Variants in KCNH2 observed in about 807,000 individuals in gnomAD.
KCNH2 encodes voltage-gated inwardly rectifying potassium channel KCNH2.
Under a neutral mutation model 95.9 loss-of-function variants are expected in KCNH2, and 35 were observed. That is an observed-to-expected ratio of 0.37 (90% CI 0.28 to 0.48). The LOEUF (loss-of-function observed/expected upper bound fraction) is 0.48. Among genes scored for constraint, KCNH2 ranks in the 20% least tolerant of loss-of-function variants. The pLI is 0.99. For synonymous variants in KCNH2, 786 were observed against 754.7 expected (o/e 1.04, Z -0.68); for missense variants, 1,274 against 1,702.9 (o/e 0.75, Z 4.43).
At chr7:150,972,422 G>A (rs554158902) in intron 2 of KCNH2, among the ~76,000 whole-genome samples, 1 of 152,344 alleles carries the variant, frequency 6.6e-6, no homozygotes, top group East Asian at 1.9e-4. Flanking sequence ...AGGTCCCGGG[G>A]ATCACAGGAG....
chr7:150,945,043 C>T lies in KCNH2; in HGVS notation c.*322G>A. ...TATGATCCTTAATTATTATCCTTAA[C>T]AATAAGAGCAGTAAATAGCAGAAAA... On this transcript the variant is annotated 3_prime_UTR_variant, in exon 15 of 15. Coordinates refer to ENST00000262186, the MANE Select transcript of KCNH2 (RefSeq NM_000238.4). The surrounding 1 kb of genome is among the most constrained non-coding windows in gnomAD (Gnocchi z 5.6). The T allele has an allele frequency of 2.9e-6, 1 of 342,890 alleles. No homozygotes were observed. The highest frequency in any genetic ancestry group is 7.5e-5 in the South Asian group (1 of 13,260). 21.2% of individuals were successfully genotyped at this position (342,890 alleles called of 1,614,324 possible). A position where few individuals can be genotyped will look rare whatever the true frequency, so the allele number is the denominator to read the frequency against.
rs1269891567 is a variant in KCNH2, at chr7:150,951,325, GGTGGCCCCTGGAGTCTCTAA to G, written c.1945+103_1945+122del. The G allele has an allele frequency of 1.8e-5, 23 of 1,250,010 alleles. 1 individual carries two copies. In the East Asian group the frequency reaches 4.5e-4, roughly 25 times the overall value. 77.4% of individuals were successfully genotyped at this position (1,250,010 alleles called of 1,614,324 possible). Reference sequence around the variant, plus strand: ...CCCAGCCCCCAAACCATGTCACGATGGTGGCCCCTGGAGTCTCTAAGTTCCAGGGCCTCACTCTGGCCCGG... The same window carrying G: ...CCCAGCCCCCAAACCATGTCACGATGGTTCCAGGGCCTCACTCTGGCCCGG... On this transcript the variant is annotated intron_variant, in intron 7 of 14. Coordinates refer to ENST00000262186, the MANE Select transcript of KCNH2 (RefSeq NM_000238.4).
At chr7:150,948,412 G>A (rs778222452) in intron 11 of KCNH2, 32 bp downstream of exon 11, 35 of 401,292 alleles carry the variant, frequency 8.7e-5, no homozygotes, top group East Asian at 6.6e-4. Context: ...CCTTGTCCCC[G>A]CCCTCCCCCT....
intron 4 of KCNH2, among the ~76,000 whole-genome samples, 200 bp from the exon 5 acceptor site, chr7:150,957,702 G>A (rs893988626): frequency 6.6e-6 from 1 of 152,238 alleles, no homozygotes; most frequent in Non-Finnish European, 1.5e-5. Context: ...ACAGCCCTGA[G>A]ACCAGGAAGA....
At position 150,945,645 on chromosome 7, in the gene KCNH2, G is replaced by A; in HGVS notation, c.3331-131C>T. 6.1e-6 allele frequency: 6 copies of A among 982,194 alleles called. No individual in the cohort carries two copies. Among genetic ancestry groups the A allele is most frequent in the Non-Finnish European group, 4.7e-6 (3 of 637,886 alleles). The allele number at this position is 982,194 out of a possible 1,614,324, so 60.8% of individuals were successfully genotyped here. A position where few individuals can be genotyped will look rare whatever the true frequency, so the allele number is the denominator to read the frequency against. Reference sequence around the variant, plus strand: ...GAGGGCCAAGAGGAGAGTCAGGTGGGCAGAGAAGCTGGAGGGGACAAGAGC... The same window carrying A: ...GAGGGCCAAGAGGAGAGTCAGGTGGACAGAGAAGCTGGAGGGGACAAGAGC... On this transcript the variant is annotated intron_variant, in intron 14 of 14. Transcript: ENST00000262186. The surrounding 1 kb of genome is among the most constrained non-coding windows in gnomAD (Gnocchi z 5.6).
chr7:150,959,230 T>C (rs1801484894), intron 3 of KCNH2, among the ~76,000 whole-genome samples: 1 of 152,132 alleles, frequency 6.6e-6, no homozygotes, highest in Non-Finnish European at 1.5e-5. Flanking sequence ...CAGGTGGTCA[T>C]GTTCCCCACC....
chr7:150,974,769 C>G lies in KCNH2; in HGVS notation c.249G>C (p.Ala83=). ...GCTCCTCGGCGCCCAGCAGTGCCTG[C>G]GCGATCTGCGCGGCAGCGCGGCGCT... is the stretch of plus-strand genomic sequence containing the variant. ...RTQRRAAAQI[A]QALLGAEERK... The change falls in exon 2 of 15, where the codon GCG becomes GCC. Residue 83 remains alanine (A), a synonymous_variant. Coordinates refer to ENST00000262186, the MANE Select transcript of KCNH2 (RefSeq NM_000238.4). 6.2e-7 allele frequency: 1 copy of G among 1,606,192 alleles called. No individual in the cohort carries two copies. Among genetic ancestry groups the G allele is most frequent in the Non-Finnish European group, 8.5e-7 (1 of 1,176,828 alleles).
rs1345291709 is a variant in KCNH2, at chr7:150,952,731, C to G, written c.1251G>C (p.Leu417=). Residue 417 remains leucine (L), a synonymous_variant, in exon 6 of 15, where the codon CTG becomes CTC. Coordinates refer to ENST00000262186, the MANE Select transcript of KCNH2 (RefSeq NM_000238.4). This position sits in a 1 kb window ranked among gnomAD's most constrained non-coding sequence, Gnocchi z 7.3. ...GTGTGAAGACAGCCGTGTAGATGAC[C>G]AGCAGCAGGATGAGCCAGTCCCACA... ...KAVWDWLILL[L]VIYTAVFTPY... The G allele has an allele frequency of 3.1e-6, 5 of 1,613,840 alleles. No individual in the cohort carries two copies. Among genetic ancestry groups the G allele is most frequent in the Non-Finnish European group, 4.2e-6 (5 of 1,180,004 alleles).
chr7:150,977,659 C>G (rs1802009277), intron 1 of KCNH2, among the ~76,000 whole-genome samples, 179 bp downstream of exon 1: 1 of 151,790 alleles, frequency 6.6e-6, no homozygotes, highest in Non-Finnish European at 1.5e-5. Context: ...CCGGTGCCCA[C>G]GGCCCCGGTG....
rs9333649 is a variant in KCNH2 at position 150,951,679 on chromosome 7, C to T, written c.1714G>A (p.Gly572Ser). Residue 572 changes from glycine to serine, a missense_variant, in exon 7 of 15, where the codon GGC (glycine) becomes AGC (serine). By Grantham distance (56) the Gly-to-Ser change is moderately conservative. Around this residue, in one of 7 missense-constraint regions of KCNH2, gnomAD observed 147 missense variants for 344.4 expected, o/e 0.43. Coordinates refer to ENST00000262186, the MANE Select transcript of KCNH2 (RefSeq NM_000238.4). ...HWLACIWYAIGNMEQPHMDSR... is the reference protein window; with the variant it reads ...HWLACIWYAISNMEQPHMDSR... ...TCCATGTGTGGCTGCTCCATGTTGCCGATGGCGTACCAGATGCAGGCTAGC... is the reference window on the plus strand; with the variant it reads ...TCCATGTGTGGCTGCTCCATGTTGCTGATGGCGTACCAGATGCAGGCTAGC... The T allele has an allele frequency of 6.2e-7, 1 of 1,614,184 alleles. No homozygotes were observed. Among genetic ancestry groups the T allele is most frequent in the African/African-American group, 1.3e-5 (1 of 75,060 alleles).
chr7:150,951,395 T>G, intron 7 of KCNH2, 53 bp downstream of exon 7: 1 of 1,608,140 alleles, frequency 6.2e-7, no homozygotes, highest in Non-Finnish European at 8.5e-7. Context: ...TTCCTCCAAC[T>G]TGGGTTCCTC....
In KCNH2 at chr7:150,963,495, G is replaced by A. The variant is rs548442509; in HGVS notation, c.308-3759C>T. Among the ~76,000 whole-genome samples, 176 of 152,308 alleles carry A rather than the reference G, an allele frequency of 1.2e-3. 1 individual carries two copies. Among genetic ancestry groups the A allele is most frequent in the African/African-American group, 3.9e-3 (161 of 41,564 alleles). ...GACAGAAGAGAGGCAGACAAGGGTGGAGGGAGCTTAGCAATGAGAGGCCCC... is the reference window on the plus strand; with the variant it reads ...GACAGAAGAGAGGCAGACAAGGGTGAAGGGAGCTTAGCAATGAGAGGCCCC... On this transcript the variant is annotated intron_variant, in intron 2 of 14. Coordinates refer to ENST00000262186, the MANE Select transcript of KCNH2 (RefSeq NM_000238.4).
chr7:150,958,514 G>T lies in KCNH2; in HGVS notation c.473-12C>A. Reference sequence around the variant, plus strand: ...GGTCTTGGCGCGGCCTGCGGGAGAGGAGAGGCACGTGGTCGTGGGGATCGC... The same window carrying T: ...GGTCTTGGCGCGGCCTGCGGGAGAGTAGAGGCACGTGGTCGTGGGGATCGC... On this transcript the variant is annotated splice_polypyrimidine_tract_variant and intron_variant, in intron 3 of 14. Transcript: ENST00000262186. 6.8e-7 allele frequency: 1 copy of T among 1,474,912 alleles called. No homozygotes were observed. The highest frequency in any genetic ancestry group is 1.3e-5 in the South Asian group (1 of 77,562). 91.4% of individuals were successfully genotyped at this position (1,474,912 alleles called of 1,614,324 possible).
In KCNH2 at chr7:150,962,779, C is replaced by CG. The variant is rs978148739; in HGVS notation, c.308-3044dup. On this transcript the variant is annotated intron_variant, in intron 2 of 14. Coordinates refer to ENST00000262186, the MANE Select transcript of KCNH2 (RefSeq NM_000238.4). This position sits in a 1 kb window ranked among gnomAD's most constrained non-coding sequence, Gnocchi z 5.7. ...CCCTGCCTGATGGCAGGGGCTGGGGCGGGGGAGATCTAGCGATCATCAAGG... is the reference window on the plus strand; with the variant it reads ...CCCTGCCTGATGGCAGGGGCTGGGGCGGGGGGAGATCTAGCGATCATCAAGG... Among the ~76,000 whole-genome samples, 21 of 152,136 alleles carry CG rather than the reference C, an allele frequency of 1.4e-4. No individual in the cohort carries two copies. Among genetic ancestry groups the CG allele is most frequent in the African/African-American group, 5.1e-4 (21 of 41,490 alleles).
At chr7:150,956,238 G>A (rs550691962) in intron 5 of KCNH2, among the ~76,000 whole-genome samples, 1 of 152,336 alleles carries the variant, frequency 6.6e-6, no homozygotes, top group South Asian at 2.1e-4. Flanking sequence ...AGGAGGAAGA[G>A]AGGGGTAGGT....
At chr7:150,958,572 T>G in intron 3 of KCNH2, 70 bp from the exon 4 acceptor site, 2 of 1,318,236 alleles carry the variant, frequency 1.5e-6, no homozygotes, top group Non-Finnish European at 2.0e-6. Flanking sequence ...GCCTGGGAAA[T>G]GGACCCCCAG....
At chr7:150,976,818 C>G (rs1801991648) in intron 1 of KCNH2, among the ~76,000 whole-genome samples, 1 of 149,932 alleles carries the variant, frequency 6.7e-6, no homozygotes, top group Non-Finnish European at 1.5e-5. Context: ...AGGCCCTCAA[C>G]CAGTGTCATT....
chr7:150,959,829 G>A (rs1403313213), intron 2 of KCNH2, 93 bp from the exon 3 acceptor site: 27 of 1,399,474 alleles, frequency 1.9e-5, no homozygotes, highest in East Asian at 4.7e-5. Context: ...AAGTGGGCCC[G>A]TCCACTTCTG....
At chr7:150,957,939 T>G in intron 4 of KCNH2, 120 bp downstream of exon 4, 1 of 756,736 alleles carries the variant, frequency 1.3e-6, no homozygotes, top group Non-Finnish European at 1.9e-6. Flanking sequence ...TAATGGGATT[T>G]CCATCTCCCA....
Sources: allele counts gnomAD v4.1 joint callset (sites outside exome capture counted in the v4.1 genomes callset), GRCh38; gene constraint gnomAD v4.1.1; regional missense constraint gnomAD v4.1.1; non-coding constraint Gnocchi (gnomAD v3.1); transcripts MANE v1.5; gene names NCBI Gene and HGNC (gene_info 2026-07-23, HGNC 2026-07-21).